Variants in EPHA10 observed in about 807,000 individuals in gnomAD.
EPHA10 encodes the protein EPH receptor A10, also known as ephrin type-A receptor 10.
Under a neutral mutation model 109.7 loss-of-function variants are expected in EPHA10, and 120 were observed. The observed-to-expected ratio is 1.09, with a 90% CI of 0.94 to 1.27. The LOEUF (loss-of-function observed/expected upper bound fraction) is 1.27. EPHA10 is among the 50% of genes most tolerant of loss of function. EPHA10 has a pLI of 0.00. For synonymous variants in EPHA10, 640 were observed against 618.9 expected, an observed-to-expected ratio of 1.03 and a Z score of -0.51; for missense variants, 1,396 against 1,411.1, an observed-to-expected ratio of 0.99 and a Z score of 0.17.
At chr1:37,752,854 T>C in intron 5 of EPHA10, 22 bp downstream of exon 5, 1 of 1,237,154 alleles carries the variant, frequency 8.1e-7, no homozygotes, top group Non-Finnish European at 1.0e-6. Flanking sequence ...GGCCTCGGGG[T>C]GGGGGGCGCG....
At position 37,718,781 on chromosome 1, in the gene EPHA10, G is replaced by C; in HGVS notation, c.2792C>G (p.Thr931Ser). The change falls in exon 16 of 17, where the codon ACC becomes AGC. Residue 931 changes from threonine to serine, a missense_variant. By Grantham distance (58) the Thr-to-Ser change is moderately conservative. Transcript: ENST00000373048. Reference sequence around the variant, plus strand: ...GCCCACAGAGCCAAAGGAGGGGAAGGTGGAGAAGGCACGGTCCGCTAGTGG... The same window carrying C: ...GCCCACAGAGCCAAAGGAGGGGAAGCTGGAGAAGGCACGGTCCGCTAGTGG... Reference protein sequence around the residue: ...PTPLADRAFSTFPSFGSVGAW... With the variant: ...PTPLADRAFSSFPSFGSVGAW... The C allele has an allele frequency of 6.2e-7, 1 of 1,613,024 alleles. No homozygotes were observed. The highest frequency in any genetic ancestry group is 8.5e-7 in the Non-Finnish European group (1 of 1,179,968).
chr1:37,760,622 G>A (rs1032610006), intron 3 of EPHA10: 15 of 242,828 alleles, frequency 6.2e-5, no homozygotes, highest in African/African-American at 3.1e-4. Flanking sequence ...CCTGAAGATT[G>A]GGCTGCTGTA....
At chr1:37,735,227 G>T (rs757156348) in intron 6 of EPHA10, 30 bp downstream of exon 6, 149 of 1,560,102 alleles carry the variant, frequency 9.6e-5, no homozygotes, top group Non-Finnish European at 1.3e-4. Context: ...TGCGGGGCAG[G>T]CTCCAGGTCC....
At chr1:37,721,893 C>G in intron 10 of EPHA10, 48 bp from the exon 11 acceptor site, 1 of 1,454,698 alleles carries the variant, frequency 6.9e-7, no homozygotes, top group East Asian at 2.6e-5. Flanking sequence ...ACTGCCCTGG[C>G]TGAGCTGGGC....
At position 37,721,872 on chromosome 1, in the gene EPHA10, C is replaced by T. The variant is rs373858037; in HGVS notation, c.1961-27G>A. On this transcript the variant is annotated intron_variant, in intron 10 of 16. Coordinates refer to ENST00000373048, the MANE Select transcript of EPHA10 (RefSeq NM_001099439.2). Reference sequence around the variant, plus strand: ...TGTGGGGAAACAGCACCTCAGATACCGCCAGAGGCCACTGCCCTGGCTGAG... The same window carrying T: ...TGTGGGGAAACAGCACCTCAGATACTGCCAGAGGCCACTGCCCTGGCTGAG... The T allele has an allele frequency of 4.5e-4, 674 of 1,514,282 alleles. 5 individuals are homozygous for T. In the African/African-American group the frequency reaches 7.6e-3, roughly 17 times the overall value. The allele number at this position is 1,514,282 out of a possible 1,614,324, so 93.8% of individuals were successfully genotyped here. A position where few individuals can be genotyped will look rare whatever the true frequency, so the allele number is the denominator to read the frequency against.
intron 8 of EPHA10, among the ~76,000 whole-genome samples, chr1:37,725,229 G>A (rs906445761): frequency 6.6e-6 from 1 of 152,152 alleles, no homozygotes; most frequent in African/African-American, 2.4e-5. Context: ...GTGAGGCCAG[G>A]CATGGTGGCT....
chr1:37,723,204 C>T, intron 9 of EPHA10, 38 bp from the exon 10 acceptor site: 2 of 1,606,868 alleles, frequency 1.2e-6, no homozygotes, highest in Non-Finnish European at 1.7e-6. Flanking sequence ...AATGGGGCCT[C>T]CACCACTGGG....
chr1:37,722,798 G>A (rs1270282208), intron 10 of EPHA10: 1 of 650,036 alleles, frequency 1.5e-6, no homozygotes, highest in Admixed American at 2.1e-5. Context: ...GTGTGCAGAG[G>A]TCTGACCTTG....
At chr1:37,758,169 C>T (rs1272894807) in intron 3 of EPHA10, among the ~76,000 whole-genome samples, 1 of 152,172 alleles carries the variant, frequency 6.6e-6, no homozygotes, top group African/African-American at 2.4e-5. Context: ...ATCTGGCCTG[C>T]TTTTTTATTA....
In EPHA10 at chr1:37,753,083, C is replaced by A. The variant is rs1646354849; in HGVS notation, c.1150G>T (p.Gly384Cys). ...CACGGCTCGCAGGCGCCCGCCGGGC[C>A]CTCGCGGCCGCAGCGCAGGCACAGC... is the stretch of plus-strand genomic sequence containing the variant. Reference protein sequence around the residue: ...SLLCLRCGREGPAGACEPCGP... With the variant: ...SLLCLRCGRECPAGACEPCGP... The change falls in exon 5 of 17, where the codon GGC becomes TGC. Residue 384 changes from glycine to cysteine, a missense_variant. Physicochemically the swap from Gly to Cys is radical, Grantham distance 159. Coordinates refer to ENST00000373048, the MANE Select transcript of EPHA10 (RefSeq NM_001099439.2). 1.5e-6 allele frequency: 2 copies of A among 1,307,512 alleles called. No homozygotes were observed. The highest frequency in any genetic ancestry group is 1.9e-6 in the Non-Finnish European group (2 of 1,028,164). 81.0% of individuals were successfully genotyped at this position (1,307,512 alleles called of 1,614,324 possible). A position where few individuals can be genotyped will look rare whatever the true frequency, so the allele number is the denominator to read the frequency against.
chr1:37,759,089 C>A lies in EPHA10; in HGVS notation c.850+2316G>T, dbSNP rs1294666091. On this transcript the variant is annotated intron_variant, in intron 3 of 16. Coordinates refer to ENST00000373048, the MANE Select transcript of EPHA10 (RefSeq NM_001099439.2). ...CTATTGCACCATCTTCCTTCTTCAT[C>A]TTCTGGCTCCTAATCCTTCCCTCTT... Among the ~76,000 whole-genome samples the A allele has an allele frequency of 2.0e-5, 3 of 152,216 alleles. No homozygotes were observed. In the East Asian group the frequency reaches 5.8e-4, roughly 29 times the overall value.
chr1:37,751,201 CAA>C (rs1320111085), intron 5 of EPHA10, among the ~76,000 whole-genome samples: 8 of 46,102 alleles, frequency 1.7e-4, no homozygotes, highest in Admixed American at 3.3e-4. Context: ...AGACTCCTCT[CAA>C]AAAAAAAAAA....
chr1:37,735,379 C>T lies in EPHA10; in HGVS notation c.1369G>A (p.Glu457Lys). ...VSTGPGAPWE[E>K]DEIRRDRVEP... ...ACTCGGTCCCTGCGGATCTCATCCTCCTCCCAGGGCGCTGAAAGTAAGTTA... is the reference window on the plus strand; with the variant it reads ...ACTCGGTCCCTGCGGATCTCATCCTTCTCCCAGGGCGCTGAAAGTAAGTTA... The change falls in exon 6 of 17, where the codon GAG becomes AAG. Residue 457 changes from glutamate to lysine, a missense_variant. By Grantham distance (56) the Glu-to-Lys change is moderately conservative. Transcript: ENST00000373048. The T allele has an allele frequency of 2.5e-6, 4 of 1,580,960 alleles. No individual in the cohort carries two copies. In the Admixed American group the frequency reaches 5.5e-5, roughly 22 times the overall value.
At chr1:37,762,990 C>T (rs1646446764) in intron 1 of EPHA10, 141 bp from the exon 2 acceptor site, 2 of 724,840 alleles carry the variant, frequency 2.8e-6, no homozygotes, top group South Asian at 1.9e-5. Context: ...TTTCCCACTC[C>T]ATACATCCCC....
At chr1:37,757,221 G>T (rs1280171509) in intron 3 of EPHA10, among the ~76,000 whole-genome samples, 1 of 152,102 alleles carries the variant, frequency 6.6e-6, no homozygotes, top group Non-Finnish European at 1.5e-5. Context: ...GGCTAACCGA[G>T]GGAGAACAAA....
In EPHA10 at chr1:37,718,095, G is replaced by T; in HGVS notation, c.*277C>A. On this transcript the variant is annotated 3_prime_UTR_variant, in exon 17 of 17. Transcript: ENST00000373048. Reference sequence around the variant, plus strand: ...CCCATCCCTGCCCCAGCTTTTCTCTGAGACCCCGAATTTCCTCCTGCTGTT... The same window carrying T: ...CCCATCCCTGCCCCAGCTTTTCTCTTAGACCCCGAATTTCCTCCTGCTGTT... The T allele has an allele frequency of 2.2e-6, 1 of 452,706 alleles. No individual in the cohort carries two copies. The highest frequency in any genetic ancestry group is 3.9e-6 in the Non-Finnish European group (1 of 256,394). 28.0% of individuals were successfully genotyped at this position (452,706 alleles called of 1,614,324 possible).
chr1:37,745,528 A>G (rs488338), intron 5 of EPHA10, among the ~76,000 whole-genome samples: 3 of 151,846 alleles, frequency 2.0e-5, no homozygotes, highest in African/African-American at 7.3e-5. Context: ...GTTACCATAA[A>G]AAGAAACCAC....
At chr1:37,757,476 C>T (rs900639780) in intron 3 of EPHA10, among the ~76,000 whole-genome samples, 1 of 152,156 alleles carries the variant, frequency 6.6e-6, no homozygotes, top group African/African-American at 2.4e-5. Flanking sequence ...GGGTCTTGTT[C>T]TGTAATTCCT....
At position 37,720,066 on chromosome 1, in the gene EPHA10, G is replaced by A. The variant is rs1569621744; in HGVS notation, c.2413-8C>T. On this transcript the variant is annotated splice_region_variant and splice_polypyrimidine_tract_variant and intron_variant, in intron 13 of 16. Coordinates refer to ENST00000373048, the MANE Select transcript of EPHA10 (RefSeq NM_001099439.2). ...CGCTGGGCTCCGGCCACTCTGTAGG[G>A]GCAGGCAGGTCAGGGGCAAGGAGGA... The A allele has an allele frequency of 1.9e-6, 3 of 1,613,294 alleles. No homozygotes were observed. Among genetic ancestry groups the A allele is most frequent in the Non-Finnish European group, 2.5e-6 (3 of 1,179,966 alleles).
Sources: gnomAD v4.1 joint callset for allele counts (sites outside exome capture counted in the v4.1 genomes callset) on GRCh38, gnomAD v4.1.1 for gene constraint, MANE v1.5 for transcripts, NCBI Gene and HGNC (gene_info 2026-07-23, HGNC 2026-07-21) for gene names.